STAU2: variants seen among roughly 807,000 people sequenced by gnomAD.
STAU2 encodes double-stranded RNA-binding protein Staufen homolog 2.
A neutral mutation model predicts 65.9 loss-of-function variants in STAU2; 20 were observed. The observed-to-expected ratio is 0.30, with a 90% CI of 0.21 to 0.44. The LOEUF (loss-of-function observed/expected upper bound fraction) is 0.44. Among genes scored for constraint, STAU2 ranks in the 20% least tolerant of loss-of-function variants. The pLI is 1.00. For synonymous variants in STAU2, 232 were observed against 233.9 expected, an observed-to-expected ratio of 0.99 and a Z score of 0.07; for missense variants, 558 against 683.9, an observed-to-expected ratio of 0.82 and a Z score of 2.05.
intron 1 of STAU2, among the ~76,000 whole-genome samples, chr8:73,745,425 T>C (rs994171974): frequency 2.6e-5 from 4 of 152,214 alleles, no homozygotes; most frequent in Non-Finnish European, 5.9e-5. Flanking sequence ...AGAAATATCC[T>C]GGAGAAATGT....
At chr8:73,735,737 T>C (rs1304061942) in intron 3 of STAU2, among the ~76,000 whole-genome samples, 2 of 152,220 alleles carry the variant, frequency 1.3e-5, no homozygotes, top group Non-Finnish European at 2.9e-5. Context: ...GGGAATTGCT[T>C]GTGGCCATGT....
chr8:73,428,846 C>T (rs1194362543), intron 13 of STAU2, among the ~76,000 whole-genome samples: 1 of 152,124 alleles, frequency 6.6e-6, no homozygotes, highest in African/African-American at 2.4e-5. Context: ...TCTCAGGGAG[C>T]AGCTTCAGCG....
intron 6 of STAU2, among the ~76,000 whole-genome samples, chr8:73,665,773 C>G (rs1257776368): frequency 2.6e-5 from 4 of 152,128 alleles, no homozygotes; most frequent in South Asian, 2.1e-4. Context: ...ACCCTTACCC[C>G]CTACAGATAC....
intron 3 of STAU2, among the ~76,000 whole-genome samples, chr8:73,732,063 G>T (rs1370398739): frequency 6.6e-6 from 1 of 152,226 alleles, no homozygotes; most frequent in Non-Finnish European, 1.5e-5. Context: ...CTCTCATGAG[G>T]TTGCAGTCAA....
At chr8:73,588,737 T>C (rs528214082) in intron 11 of STAU2, among the ~76,000 whole-genome samples, 92 of 152,238 alleles carry the variant, frequency 6.0e-4, no homozygotes, top group Middle Eastern at 6.8e-3. Flanking sequence ...AAAACCTACT[T>C]GAGAGTAAGA....
At chr8:73,532,005 C>G (rs1805852759) in intron 13 of STAU2, among the ~76,000 whole-genome samples, 1 of 152,188 alleles carries the variant, frequency 6.6e-6, no homozygotes. Flanking sequence ...CTGCAGCCAA[C>G]TTAATAGACC....
chr8:73,477,882 G>A (rs1387287683), intron 13 of STAU2, among the ~76,000 whole-genome samples: 1 of 152,266 alleles, frequency 6.6e-6, no homozygotes, highest in African/African-American at 2.4e-5. Context: ...GTTGAGACAT[G>A]TTGAGATAAA....
chr8:73,517,517 C>T (rs999599967), intron 13 of STAU2, among the ~76,000 whole-genome samples: 1 of 152,114 alleles, frequency 6.6e-6, no homozygotes, highest in East Asian at 1.9e-4. Context: ...ATCTAGAAAA[C>T]ACTTTGGGTT....
At chr8:73,644,226 AAAAT>A (rs1296346191) in intron 6 of STAU2, among the ~76,000 whole-genome samples, 1 of 152,212 alleles carries the variant, frequency 6.6e-6, no homozygotes, top group Admixed American at 6.5e-5. Context: ...AAACTGAACG[AAAAT>A]AAAATACAAT....
rs1563578728 is a variant in STAU2, at chr8:73,420,774, T to C, written c.*598A>G. On this transcript the variant is annotated 3_prime_UTR_variant, in exon 15 of 15. Coordinates refer to ENST00000524300, the MANE Select transcript of STAU2 (RefSeq NM_001164380.2). The stretch of plus-strand genomic sequence containing the variant: ...TAGTTCGTATTTTTCATCAGATATC[T>C]GACCTGATTTAAAACATGTTTGTTT... 2 of 155,960 alleles carry C rather than the reference T, an allele frequency of 1.3e-5. No homozygotes were observed. Among genetic ancestry groups the C allele is most frequent in the Admixed American group, 6.2e-5 (1 of 16,176 alleles). 9.7% of individuals were successfully genotyped at this position (155,960 alleles called of 1,614,324 possible). A position where few individuals can be genotyped will look rare whatever the true frequency, so the allele number is the denominator to read the frequency against.
At chr8:73,682,193 A>G (rs572117637) in intron 5 of STAU2, among the ~76,000 whole-genome samples, 1 of 152,258 alleles carries the variant, frequency 6.6e-6, no homozygotes, top group South Asian at 2.1e-4. Flanking sequence ...TCATCAACAC[A>G]TGGAACATAT....
intron 12 of STAU2, among the ~76,000 whole-genome samples, chr8:73,575,710 T>C (rs959712801): frequency 2.6e-5 from 4 of 152,202 alleles, no homozygotes; most frequent in South Asian, 4.1e-4. Flanking sequence ...GGCTAGGGGA[T>C]TGAATAATAT....
At chr8:73,685,440 G>T (rs1409167329) in intron 5 of STAU2, among the ~76,000 whole-genome samples, 2 of 149,772 alleles carry the variant, frequency 1.3e-5, no homozygotes, top group Non-Finnish European at 3.0e-5. Context: ...GCAGTGGTGC[G>T]ATCTCAGCTC....
At chr8:73,590,167 A>C (rs1349862004) in intron 11 of STAU2, among the ~76,000 whole-genome samples, 1 of 151,668 alleles carries the variant, frequency 6.6e-6, no homozygotes. Context: ...AAGAAGGAGA[A>C]GAAGAAAAGG....
At chr8:73,451,003 C>A (rs953994700) in intron 13 of STAU2, among the ~76,000 whole-genome samples, 11 of 152,176 alleles carry the variant, frequency 7.2e-5, no homozygotes, top group African/African-American at 2.7e-4. Context: ...AGACCAGGCC[C>A]AGGAGGAATC....
chr8:73,676,336 G>A (rs1818026048), intron 5 of STAU2, among the ~76,000 whole-genome samples: 1 of 152,116 alleles, frequency 6.6e-6, no homozygotes, highest in Non-Finnish European at 1.5e-5. Flanking sequence ...AATGGTGCTG[G>A]ATTAAATGAA....
intron 5 of STAU2, among the ~76,000 whole-genome samples, chr8:73,676,947 G>T (rs1818066690): frequency 6.6e-6 from 1 of 152,232 alleles, no homozygotes; most frequent in African/African-American, 2.4e-5. Context: ...AGTATAGAAA[G>T]ATATTTGCAA....
intron 3 of STAU2, among the ~76,000 whole-genome samples, chr8:73,713,804 A>G (rs1821057960): frequency 6.6e-6 from 1 of 152,220 alleles, no homozygotes; most frequent in Non-Finnish European, 1.5e-5. Context: ...TTCCAGCCAG[A>G]ACTGTTGCTA....
intron 11 of STAU2, among the ~76,000 whole-genome samples, chr8:73,593,654 A>T (rs147778217): frequency 6.6e-6 from 1 of 152,274 alleles, no homozygotes; most frequent in East Asian, 1.9e-4. Context: ...ATCACCCTCC[A>T]CAATGTGGGT....
Sources: allele counts gnomAD v4.1 joint callset (sites outside exome capture counted in the v4.1 genomes callset), GRCh38; gene constraint gnomAD v4.1.1; transcripts MANE v1.5; gene names NCBI Gene and HGNC (gene_info 2026-07-23, HGNC 2026-07-21).